The following SDK2 variants were observed in gnomAD, a reference collection of about 807,000 sequenced individuals.
SDK2 encodes the protein protein sidekick-2.
SDK2 carries 105 observed loss-of-function variants against 253.9 expected under a neutral mutation model. The ratio of observed to expected loss-of-function variants is 0.41; its 90% CI spans 0.35 to 0.49. The LOEUF (loss-of-function observed/expected upper bound fraction) is 0.49, where lower values mean the gene tolerates loss of function less well. SDK2 is among the 20% of genes least tolerant of loss of function. The probability of loss-of-function intolerance (pLI) is 0.06; values close to 1 mark genes in which losing one functional copy is unlikely to be tolerated. For synonymous variants in SDK2, 1,249 were observed against 1,234.9 expected (o/e 1.01, Z -0.24); for missense variants, 2,608 against 3,003.0 (o/e 0.87, Z 3.07).
intron 1 of SDK2, among the ~76,000 whole-genome samples, chr17:73,599,718 C>T (rs1293546594): frequency 6.6e-6 from 1 of 152,094 alleles, no homozygotes; most frequent in Non-Finnish European, 1.5e-5. Context: ...ATCCATTCCA[C>T]CACCCTAAGC....
chr17:73,338,697 G>A lies in SDK2; in HGVS notation c.6409C>T (p.Pro2137Ser). The change falls in exon 45 of 45, where the codon CCC becomes TCC. Residue 2137 changes from proline to serine, a missense_variant. Transcript: ENST00000392650. This position sits in a 1 kb window ranked among gnomAD's most constrained non-coding sequence, Gnocchi z 5.0. Reference protein sequence around the residue: ...FRPKASRTPTPQNPPNPPSQQ... With the variant: ...FRPKASRTPTSQNPPNPPSQQ... ...CTTGGGGGGTTAGGGGGGTTCTGGG[G>A]CGTTGGAGTCCGACTGGCCTTGGGC... is the stretch of plus-strand genomic sequence containing the variant. The A allele has an allele frequency of 8.7e-6, 14 of 1,607,642 alleles. No homozygotes were observed. Among genetic ancestry groups the A allele is most frequent in the Non-Finnish European group, 1.2e-5 (14 of 1,176,486 alleles).
intron 2 of SDK2, among the ~76,000 whole-genome samples, chr17:73,485,267 T>C (rs1197003472): frequency 3.3e-5 from 5 of 152,080 alleles, no homozygotes; most frequent in Non-Finnish European, 5.9e-5. Flanking sequence ...GTGCAGGTGC[T>C]GATGGAGGCT....
intron 2 of SDK2, among the ~76,000 whole-genome samples, chr17:73,484,158 G>T (rs2063756106): frequency 6.6e-6 from 1 of 152,140 alleles, no homozygotes; most frequent in Admixed American, 6.5e-5. Context: ...GGTTGGGGAG[G>T]ACTCCTTTGT....
intron 18 of SDK2, among the ~76,000 whole-genome samples, chr17:73,411,383 G>A (rs1568388635): frequency 6.6e-6 from 1 of 152,230 alleles, no homozygotes. Context: ...CAAGCACAGT[G>A]CAGAGGGGTG....
At chr17:73,562,593 G>C (rs2045253248) in intron 1 of SDK2, among the ~76,000 whole-genome samples, 1 of 152,116 alleles carries the variant, frequency 6.6e-6, no homozygotes, top group Non-Finnish European at 1.5e-5. Flanking sequence ...GGCGTGGGAG[G>C]GGGTTGGGAG....
intron 5 of SDK2, among the ~76,000 whole-genome samples, chr17:73,445,402 C>T (rs912441263): frequency 6.6e-5 from 10 of 152,194 alleles, no homozygotes; most frequent in Admixed American, 2.6e-4. Flanking sequence ...CCCTGATCCC[C>T]GGTATCCACC....
intron 36 of SDK2, 64 bp from the exon 37 acceptor site, chr17:73,368,657 G>T: frequency 7.4e-7 from 1 of 1,349,352 alleles, no homozygotes; most frequent in Non-Finnish European, 1.0e-6. Context: ...TCCTGTCCCT[G>T]CTGACCTGTA....
intron 1 of SDK2, among the ~76,000 whole-genome samples, chr17:73,583,131 T>C (rs899157707): frequency 6.6e-6 from 1 of 152,204 alleles, no homozygotes; most frequent in Non-Finnish European, 1.5e-5. Context: ...ACAGATCCCC[T>C]GTTCAATATT....
intron 1 of SDK2, among the ~76,000 whole-genome samples, chr17:73,536,934 A>G (rs576917704): frequency 8.4e-4 from 128 of 152,230 alleles, no homozygotes; most frequent in African/African-American, 2.8e-3. Flanking sequence ...CTTTACTTAC[A>G]TAATGGGTCA....
chr17:73,345,144 T>C (rs1384569049), intron 44 of SDK2, among the ~76,000 whole-genome samples: 1 of 151,892 alleles, frequency 6.6e-6, no homozygotes, highest in Admixed American at 6.6e-5. Context: ...CATGGTGAAA[T>C]CCCGTCTTTA....
intron 1 of SDK2, among the ~76,000 whole-genome samples, chr17:73,557,952 CCTCT>C (rs776216474): frequency 2.6e-5 from 4 of 152,168 alleles, no homozygotes; most frequent in South Asian, 2.1e-4. Context: ...ATTCACTCAT[CCTCT>C]CTCTCAGCCT....
intron 3 of SDK2, among the ~76,000 whole-genome samples, chr17:73,456,289 A>G (rs1013747070): frequency 6.6e-6 from 1 of 152,162 alleles, no homozygotes; most frequent in African/African-American, 2.4e-5. Flanking sequence ...AGTTCGTTCA[A>G]CCACCCTGAG....
At chr17:73,494,090 C>G (rs1182457198) in intron 2 of SDK2, among the ~76,000 whole-genome samples, 2 of 152,176 alleles carry the variant, frequency 1.3e-5, no homozygotes, top group Non-Finnish European at 2.9e-5. Context: ...TCCCAGGGGC[C>G]CAGCCTGACC....
At chr17:73,582,269 TCAGCATTTGGGGGCGCACACCAC>T in intron 1 of SDK2, among the ~76,000 whole-genome samples, 2 of 138,802 alleles carry the variant, frequency 1.4e-5, no homozygotes, top group African/African-American at 5.6e-5. Flanking sequence ...CACGCAGGCA[TCAGCATTTGGGGGCGCACACCAC>T]GCAGGCATCA....
Position 73,466,801 on chromosome 17 carries a change from G to C in SDK2, c.331+5311C>G, listed in dbSNP as rs1021233238. 2.1e-4 allele frequency among the ~76,000 whole-genome samples: 32 copies of C among 150,858 alleles called. 1 individual carries two copies. Among genetic ancestry groups the C allele is most frequent in the African/African-American group, 7.8e-4 (32 of 40,770 alleles). ...GTTCTTTCCAGGCTGGGCCCCATGG[G>C]TCATGACCCTGAAGGTCACTTTAAC... On this transcript the variant is annotated intron_variant, in intron 3 of 44. Coordinates refer to ENST00000392650, the MANE Select transcript of SDK2 (RefSeq NM_001144952.2).
At chr17:73,380,769 G>C in intron 34 of SDK2, 125 bp downstream of exon 34, 1 of 828,246 alleles carries the variant, frequency 1.2e-6, no homozygotes. Context: ...GGGTAGTCCC[G>C]TTTCTTAAGC....
chr17:73,636,680 C>CAAAAAAA (rs561026344), intron 1 of SDK2, among the ~76,000 whole-genome samples: 7 of 50,994 alleles, frequency 1.4e-4, no homozygotes, highest in East Asian at 9.9e-4. Flanking sequence ...GACTCTGTCT[C>CAAAAAAA]AAAAAAAAAA....
At chr17:73,421,455 C>A (rs531517137) in intron 15 of SDK2, among the ~76,000 whole-genome samples, 1 of 152,222 alleles carries the variant, frequency 6.6e-6, no homozygotes, top group African/African-American at 2.4e-5. Context: ...ATCTTTCTTG[C>A]TAGAGGTGGC....
chr17:73,369,007 A>G (rs1207636117), intron 36 of SDK2, among the ~76,000 whole-genome samples: 7 of 142,166 alleles, frequency 4.9e-5, no homozygotes, highest in African/African-American at 1.7e-4. Context: ...GCAAGACTCC[A>G]TCTCAAAAAA....
Sources: allele counts gnomAD v4.1 joint callset (sites outside exome capture counted in the v4.1 genomes callset), GRCh38; gene constraint gnomAD v4.1.1; non-coding constraint Gnocchi (gnomAD v3.1); transcripts MANE v1.5; gene names NCBI Gene and HGNC (gene_info 2026-07-23, HGNC 2026-07-21).